Variants in GAS2 observed in about 807,000 individuals in gnomAD.
GAS2 encodes growth arrest-specific protein 2.
Under a neutral mutation model 37.5 loss-of-function variants are expected in GAS2, and 20 were observed. That is an observed-to-expected ratio of 0.53 (90% CI 0.37 to 0.77). GAS2 has a LOEUF of 0.77. Ranked by LOEUF, GAS2 falls within the 30% of genes least tolerant of loss-of-function variation. GAS2 has a pLI of 0.00. For missense variants in GAS2, 336 were observed against 373.4 expected, an observed-to-expected ratio of 0.90 and a Z score of 0.82; for synonymous variants, 144 against 132.2, an observed-to-expected ratio of 1.09 and a Z score of -0.61.
intron 6 of GAS2, among the ~76,000 whole-genome samples, chr11:22,753,339 CT>C (rs1457154332): frequency 6.6e-6 from 1 of 152,014 alleles, no homozygotes; most frequent in Non-Finnish European, 1.5e-5. Flanking sequence ...AAAAACAGCC[CT>C]TGACTTTTAA....
chr11:22,675,910 A>G (rs1245767052), intron 2 of GAS2, among the ~76,000 whole-genome samples: 4 of 152,190 alleles, frequency 2.6e-5, no homozygotes, highest in Non-Finnish European at 5.9e-5. Context: ...CACCCTGTCC[A>G]TCTGAAATTT....
intron 1 of GAS2, among the ~76,000 whole-genome samples, chr11:22,668,598 A>AT (rs959388204): frequency 1.3e-4 from 20 of 152,202 alleles, no homozygotes; most frequent in African/African-American, 4.3e-4. Context: ...TTGCCCTGGA[A>AT]TTTTTTAGCA....
chr11:22,737,191 T>G (rs1391206892), intron 4 of GAS2, among the ~76,000 whole-genome samples: 2 of 152,180 alleles, frequency 1.3e-5, no homozygotes, highest in Non-Finnish European at 2.9e-5. Context: ...GGTCTCACTT[T>G]GACATTCATC....
intron 7 of GAS2, among the ~76,000 whole-genome samples, chr11:22,758,460 G>C (rs955199816): frequency 1.3e-5 from 2 of 152,250 alleles, no homozygotes; most frequent in Middle Eastern, 6.8e-3. Flanking sequence ...CCCCTAGTTA[G>C]TTGTTCACCC....
At chr11:22,791,384 G>C (rs72973146) in intron 7 of GAS2, among the ~76,000 whole-genome samples, 1 of 151,608 alleles carries the variant, frequency 6.6e-6, no homozygotes, top group Admixed American at 6.6e-5. Flanking sequence ...TCAGTTTGCA[G>C]GTCTCAGTGC....
intron 7 of GAS2, among the ~76,000 whole-genome samples, chr11:22,771,068 C>A (rs552080404): frequency 6.6e-6 from 1 of 152,050 alleles, no homozygotes; most frequent in South Asian, 2.1e-4. Flanking sequence ...GGAAGTTGGG[C>A]ACTCAGAAGT....
In GAS2 at chr11:22,806,179, C is replaced by T. The variant is rs114616664; in HGVS notation, c.724-5619C>T. On this transcript the variant is annotated intron_variant, in intron 7 of 7. Transcript: ENST00000454584. ...GGAGTTGCTCTCATTCACATGCCTC[C>T]GACAAAATCATATGGTATTTTTATC... is the stretch of plus-strand genomic sequence containing the variant. Among the ~76,000 whole-genome samples the T allele has an allele frequency of 6.6e-3, 1,004 of 152,158 alleles. 14 individuals carry two copies. Among genetic ancestry groups the T allele is most frequent in the African/African-American group, 0.023 (944 of 41,532 alleles).
chr11:22,682,823 C>T (rs11026733), intron 2 of GAS2, among the ~76,000 whole-genome samples: 2,728 of 125,118 alleles, frequency 0.022, 77 homozygotes, highest in African/African-American at 0.075. Context: ...TCCAGCCTGA[C>T]GAGATCGCAC....
intron 7 of GAS2, among the ~76,000 whole-genome samples, chr11:22,756,823 A>G (rs1854069002): frequency 6.6e-6 from 1 of 152,128 alleles, no homozygotes; most frequent in African/African-American, 2.4e-5. Flanking sequence ...ATGTGTTATT[A>G]TTGGAGTATG....
At chr11:22,800,890 T>C (rs984647686) in intron 7 of GAS2, among the ~76,000 whole-genome samples, 1 of 152,132 alleles carries the variant, frequency 6.6e-6, no homozygotes, top group African/African-American at 2.4e-5. Flanking sequence ...GTTTATGTAA[T>C]ATAGCTAGGA....
chr11:22,734,959 G>A (rs993700965), intron 4 of GAS2, among the ~76,000 whole-genome samples: 17 of 151,654 alleles, frequency 1.1e-4, no homozygotes, highest in African/African-American at 3.9e-4. Flanking sequence ...ATAGCAATAA[G>A]GTAAGAGTGC....
chr11:22,771,634 G>T (rs550584670), intron 7 of GAS2, among the ~76,000 whole-genome samples: 1 of 152,206 alleles, frequency 6.6e-6, no homozygotes, highest in African/African-American at 2.4e-5. Flanking sequence ...ATTATATCTA[G>T]AAAGCACAGC....
At chr11:22,629,969 T>G (rs1286472241) in intron 1 of GAS2, among the ~76,000 whole-genome samples, 1 of 152,200 alleles carries the variant, frequency 6.6e-6, no homozygotes, top group Admixed American at 6.5e-5. Flanking sequence ...TTAATACATC[T>G]TGAGTTGATT....
At chr11:22,811,136 C>A (rs752339669) in intron 7 of GAS2, among the ~76,000 whole-genome samples, 2 of 151,780 alleles carry the variant, frequency 1.3e-5, no homozygotes, top group Non-Finnish European at 1.5e-5. Context: ...AATCAATAAC[C>A]TTGTTAAGTT....
chr11:22,780,372 G>T (rs911197900), intron 7 of GAS2, among the ~76,000 whole-genome samples: 1 of 151,994 alleles, frequency 6.6e-6, no homozygotes, highest in South Asian at 2.1e-4. Flanking sequence ...GCATGCACTT[G>T]TAGTCCCAGC....
chr11:22,670,684 A>G (rs551705548), intron 1 of GAS2, among the ~76,000 whole-genome samples: 1 of 152,266 alleles, frequency 6.6e-6, no homozygotes, highest in Non-Finnish European at 1.5e-5. Flanking sequence ...CCTCACAATT[A>G]TCTTTAAGTT....
Position 22,812,498 on chromosome 11 carries a change from T to C in GAS2, c.*482T>C. On this transcript the variant is annotated 3_prime_UTR_variant, in exon 8 of 8. Coordinates refer to ENST00000454584, the MANE Select transcript of GAS2 (RefSeq NM_001143830.3). ...TGCTGCAAAAAATATCCAACAGCAC[T>C]ACACATAAGTACAGAGTATTCACAA... 6.5e-6 allele frequency: 1 copy of C among 152,852 alleles called. No individual in the cohort carries two copies. The highest frequency in any genetic ancestry group is 1.4e-5 in the Non-Finnish European group (1 of 70,946). The allele number at this position is 152,852 out of a possible 1,614,324, so 9.5% of individuals were successfully genotyped here.
chr11:22,806,988 A>C lies in GAS2; in HGVS notation c.724-4810A>C, dbSNP rs367918625. ...CTTTCTGTTTTAAGTATTATGGGTAAGTACATGAATCATGGATGCTTACAC... is the reference window on the plus strand; with the variant it reads ...CTTTCTGTTTTAAGTATTATGGGTACGTACATGAATCATGGATGCTTACAC... On this transcript the variant is annotated intron_variant, in intron 7 of 7. Coordinates refer to ENST00000454584, the MANE Select transcript of GAS2 (RefSeq NM_001143830.3). 1.3e-3 allele frequency among the ~76,000 whole-genome samples: 199 copies of C among 152,322 alleles called. 1 individual carries two copies. The highest frequency in any genetic ancestry group is 4.3e-3 in the African/African-American group (179 of 41,576).
At chr11:22,707,715 A>G (rs1485394210) in intron 3 of GAS2, among the ~76,000 whole-genome samples, 2 of 152,200 alleles carry the variant, frequency 1.3e-5, no homozygotes, top group Non-Finnish European at 1.5e-5. Flanking sequence ...GAAAAATGCA[A>G]GCATGTACCA....
Sources: allele counts gnomAD v4.1 joint callset (sites outside exome capture counted in the v4.1 genomes callset), GRCh38; gene constraint gnomAD v4.1.1; transcripts MANE v1.5; gene names NCBI Gene and HGNC (gene_info 2026-07-23, HGNC 2026-07-21).